Variants in ZNF395 observed in about 807,000 individuals in gnomAD.
The protein encoded by ZNF395 is zinc finger protein 395, also known as HD gene regulatory region-binding protein 2.
ZNF395 carries 20 observed loss-of-function variants against 57.7 expected under a neutral mutation model. The ratio of observed to expected loss-of-function variants is 0.35; its 90% CI spans 0.24 to 0.50. The LOEUF is 0.50. Among genes scored for constraint, ZNF395 ranks in the 20% least tolerant of loss-of-function variants. The pLI is 0.97. For synonymous variants in ZNF395, 295 were observed against 275.9 expected, an observed-to-expected ratio of 1.07 and a Z score of -0.69; for missense variants, 606 against 671.2, an observed-to-expected ratio of 0.90 and a Z score of 1.07.
rs1360646226 is a variant in ZNF395 at position 28,348,152 on chromosome 8, T to G, written c.*567A>C. 6.6e-6 allele frequency: 1 copy of G among 151,852 alleles called. No individual in the cohort carries two copies. Among genetic ancestry groups the G allele is most frequent in the Admixed American group, 6.6e-5 (1 of 15,240 alleles). 9.4% of individuals were successfully genotyped at this position (151,852 alleles called of 1,614,324 possible). Reference sequence around the variant, plus strand: ...AGAAAGGGATTTCCTTTGACTTCCATGCAGGATGCTCAGACAGGGAACAGG... The same window carrying G: ...AGAAAGGGATTTCCTTTGACTTCCAGGCAGGATGCTCAGACAGGGAACAGG... On this transcript the variant is annotated 3_prime_UTR_variant, in exon 10 of 10. Transcript: ENST00000344423.
At position 28,352,783 on chromosome 8, in the gene ZNF395, A is replaced by C; in HGVS notation, c.820-110T>G. On this transcript the variant is annotated intron_variant, in intron 5 of 9. Coordinates refer to ENST00000344423, the MANE Select transcript of ZNF395 (RefSeq NM_018660.3). This position sits in a 1 kb window ranked among gnomAD's most constrained non-coding sequence, Gnocchi z 4.0. Reference sequence around the variant, plus strand: ...TGCTGTCCCCGGCCTGACCCAACAAAAACCTCCAGGAAAGGGGTTCTCTGG... The same window carrying C: ...TGCTGTCCCCGGCCTGACCCAACAACAACCTCCAGGAAAGGGGTTCTCTGG... 1.1e-6 allele frequency: 1 copy of C among 882,874 alleles called. No individual in the cohort carries two copies. The allele number at this position is 882,874 out of a possible 1,614,324, so 54.7% of individuals were successfully genotyped here. A position where few individuals can be genotyped will look rare whatever the true frequency, so the allele number is the denominator to read the frequency against.
chr8:28,349,105 G>A lies in ZNF395; in HGVS notation c.1430+20C>T. 2 of 1,560,024 alleles carry A rather than the reference G, an allele frequency of 1.3e-6. No individual in the cohort carries two copies. Among genetic ancestry groups the A allele is most frequent in the Non-Finnish European group, 1.7e-6 (2 of 1,153,354 alleles). On this transcript the variant is annotated intron_variant, in intron 9 of 9. Transcript: ENST00000344423. ...AGGGCACAGAAACCAGAAGGCAGGG[G>A]ACGACAGCGGACATCTCACCTGGCA... is the stretch of plus-strand genomic sequence containing the variant.
intron 7 of ZNF395, among the ~76,000 whole-genome samples, chr8:28,351,192 C>T (rs143689151): frequency 2.0e-5 from 3 of 152,206 alleles, no homozygotes; most frequent in South Asian, 4.1e-4. Context: ...CCCAACTACA[C>T]GACTCCATCC....
chr8:28,378,161 A>G lies in ZNF395; in HGVS notation c.-59+8232T>C, dbSNP rs867725583. On this transcript the variant is annotated intron_variant, in intron 1 of 9. Transcript: ENST00000344423. The stretch of plus-strand genomic sequence containing the variant: ...CCTTCTTGCTTTTCCTAAGGACCAA[A>G]TTTAATTTTCAGCAGCCCTGGGTTC... 9.9e-5 allele frequency among the ~76,000 whole-genome samples: 15 copies of G among 152,140 alleles called. No individual in the cohort carries two copies. The South Asian group carries it at 2.9e-3, about 29-fold the overall frequency.
chr8:28,383,205 C>T (rs139897320), intron 1 of ZNF395, among the ~76,000 whole-genome samples: 4 of 152,354 alleles, frequency 2.6e-5, no homozygotes, highest in Admixed American at 6.5e-5. Flanking sequence ...ACATTCTCAG[C>T]TCATTCCACA....
intron 7 of ZNF395, 121 bp from the exon 8 acceptor site, chr8:28,350,277 G>T: frequency 1.2e-6 from 1 of 810,376 alleles, no homozygotes; most frequent in Non-Finnish European, 2.0e-6. Context: ...GCAATGACCA[G>T]AAAGAGCTGG....
At chr8:28,375,589 A>G (rs139926816) in intron 1 of ZNF395, among the ~76,000 whole-genome samples, 46 of 152,244 alleles carry the variant, frequency 3.0e-4, no homozygotes, top group African/African-American at 1.1e-3. Flanking sequence ...TAAACAGCAC[A>G]CTTAAGATCT....
chr8:28,360,889 T>C lies in ZNF395; in HGVS notation c.236A>G (p.Gln79Arg). ...TCCATGTTGGGATCAACCTACCTTC[T>C]GCCCAGGCTGAAAGGCCACCTGCTG... ...GLQQVAFQPG[Q>R]KVYVWYGGQE... is the part of the protein sequence containing the mutation. The change falls in exon 2 of 10, where the codon CAG becomes CGG. Residue 79 changes from glutamine to arginine, a missense_variant. Gln to Arg is a conservative substitution (Grantham distance 43, BLOSUM62 1). Around this residue, in one of 3 missense-constraint regions of ZNF395, gnomAD observed 309 missense variants for 374.7 expected, o/e 0.82. Transcript: ENST00000344423. The C allele has an allele frequency of 6.2e-7, 1 of 1,613,742 alleles. No individual in the cohort carries two copies. The highest frequency in any genetic ancestry group is 8.5e-7 in the Non-Finnish European group (1 of 1,179,950).
chr8:28,369,055 C>T (rs1359656036), intron 1 of ZNF395, among the ~76,000 whole-genome samples: 1 of 151,840 alleles, frequency 6.6e-6, no homozygotes, highest in Admixed American at 6.6e-5. Flanking sequence ...AGGCTGGTCT[C>T]GAACTCCTGG....
chr8:28,353,157 C>T lies in ZNF395; in HGVS notation c.819+16G>A, dbSNP rs1014947714. ...CCGCTCCAGCCTGGGCTCCCACTCACACCACAATCACGTACCTTTCTTTTT... is the reference window on the plus strand; with the variant it reads ...CCGCTCCAGCCTGGGCTCCCACTCATACCACAATCACGTACCTTTCTTTTT... On this transcript the variant is annotated intron_variant, in intron 5 of 9. Transcript: ENST00000344423. 1 of 1,613,008 alleles carries T rather than the reference C, an allele frequency of 6.2e-7. No individual in the cohort carries two copies. Among genetic ancestry groups the T allele is most frequent in the Non-Finnish European group, 8.5e-7 (1 of 1,179,578 alleles).
chr8:28,366,853 T>C (rs1036724651), intron 1 of ZNF395, among the ~76,000 whole-genome samples: 2 of 148,384 alleles, frequency 1.3e-5, no homozygotes, highest in African/African-American at 4.9e-5. Flanking sequence ...TAAGCATACA[T>C]GGACCTTTTC....
intron 1 of ZNF395, among the ~76,000 whole-genome samples, chr8:28,363,642 C>T (rs1801876660): frequency 6.6e-6 from 1 of 152,006 alleles, no homozygotes; most frequent in Non-Finnish European, 1.5e-5. Context: ...CAAAACAAAA[C>T]AAAACAAAAC....
rs755156851 is a variant in ZNF395, at chr8:28,348,771, T to C, written c.1490A>G (p.Gln497Arg). 21 of 1,614,128 alleles carry C rather than the reference T, an allele frequency of 1.3e-5. 1 individual carries two copies. In the South Asian group the frequency reaches 2.3e-4, roughly 18 times the overall value. The change falls in exon 10 of 10, where the codon CAG (glutamine) becomes CGG (arginine). Residue 497 changes from glutamine to arginine, a missense_variant. By Grantham distance (43) the Gln-to-Arg change is conservative. Coordinates refer to ENST00000344423, the MANE Select transcript of ZNF395 (RefSeq NM_018660.3). Reference protein sequence around the residue: ...RKVYGIEHRDQWCTACRWKKA... With the variant: ...RKVYGIEHRDRWCTACRWKKA... Reference sequence around the variant, plus strand: ...CTTCCACCGGCAGGCCGTGCACCACTGGTCCCGGTGCTCGATGCCATACAC... The same window carrying C: ...CTTCCACCGGCAGGCCGTGCACCACCGGTCCCGGTGCTCGATGCCATACAC...
chr8:28,353,203 C>T lies in ZNF395; in HGVS notation c.789G>A (p.Leu263=), dbSNP rs563932326. 2 of 1,612,834 alleles carry T rather than the reference C, an allele frequency of 1.2e-6. No individual in the cohort carries two copies. Among genetic ancestry groups the T allele is most frequent in the Admixed American group, 1.7e-5 (1 of 59,786 alleles). The change falls in exon 5 of 10, where the codon CTG becomes CTA. Residue 263 remains leucine (L), a synonymous_variant. Transcript: ENST00000344423. The stretch of plus-strand genomic sequence containing the variant: ...TTTTTCGTGGAGCTGGTTCGTCCAG[C>T]AGGAAAGGGTCAGGATCGGTCTCAA... The part of the protein sequence containing the change: ...HGFETDPDPF[L]LDEPAPRKRK...
chr8:28,360,992 G>T lies in ZNF395; in HGVS notation c.133C>A (p.Pro45Thr). The T allele has an allele frequency of 1.2e-6, 2 of 1,612,102 alleles. No individual in the cohort carries two copies. The highest frequency in any genetic ancestry group is 1.1e-5 in the South Asian group (1 of 90,922). ...GGGGTGTCATCAGAGGTGGTGAAAG[G>T]CTGGGGAGCGGCCCCTTCTAGCAGT... Reference protein sequence around the residue: ...EPLLEGAAPQPFTTSDDTPCQ... With the variant: ...EPLLEGAAPQTFTTSDDTPCQ... The change falls in exon 2 of 10, where the codon CCT becomes ACT. Residue 45 changes from proline (P) to threonine (T), a missense_variant. Pro to Thr is a conservative substitution (Grantham distance 38, BLOSUM62 -1). Coordinates refer to ENST00000344423, the MANE Select transcript of ZNF395 (RefSeq NM_018660.3).
rs1276964926 is a variant in ZNF395, at chr8:28,351,640, G to C, written c.1088C>G (p.Pro363Arg). 1 of 1,613,330 alleles carries C rather than the reference G, an allele frequency of 6.2e-7. No individual in the cohort carries two copies. Among genetic ancestry groups the C allele is most frequent in the South Asian group, 1.1e-5 (1 of 91,090 alleles). Residue 363 changes from proline to arginine, a missense_variant, in exon 7 of 10, where the codon CCT becomes CGT. Transcript: ENST00000344423. ...CAGAGGTGGTGGAAGAGCAGACAGA[G>C]GCAGGCCAGTCATGCTGGGGGTGGG... ...PAPTPSMTGL[P>R]LSALPPPLHK...
In ZNF395 at chr8:28,367,560, C is replaced by T. The variant is rs1407927179; in HGVS notation, c.-58-6378G>A. On this transcript the variant is annotated intron_variant, in intron 1 of 9. Transcript: ENST00000344423. The stretch of plus-strand genomic sequence containing the variant: ...TCTGTTTGCGCTGCTGGCAGGAAAG[C>T]GTTTCCACAGCTCTACCCAGGAAAA... Among the ~76,000 whole-genome samples the T allele has an allele frequency of 4.6e-5, 7 of 152,322 alleles. No individual in the cohort carries two copies. The South Asian group carries it at 1.0e-3, about 23-fold the overall frequency.
At chr8:28,372,024 CAG>C (rs1181081497) in intron 1 of ZNF395, among the ~76,000 whole-genome samples, 1 of 151,624 alleles carries the variant, frequency 6.6e-6, no homozygotes, top group Non-Finnish European at 1.5e-5. Context: ...GCCTGGGTGA[CAG>C]AGTGAGACCC....
Position 28,382,286 on chromosome 8 carries a change from A to T in ZNF395, c.-59+4107T>A, listed in dbSNP as rs1585867506. 2.0e-5 allele frequency among the ~76,000 whole-genome samples: 3 copies of T among 152,062 alleles called. No homozygotes were observed. The East Asian group carries it at 5.8e-4, about 29-fold the overall frequency. Reference sequence around the variant, plus strand: ...GTATTTTTTCCCCCAATTTTTAAACACCTTTATGTAGTCCAAACTAGAACA... The same window carrying T: ...GTATTTTTTCCCCCAATTTTTAAACTCCTTTATGTAGTCCAAACTAGAACA... On this transcript the variant is annotated intron_variant, in intron 1 of 9. Coordinates refer to ENST00000344423, the MANE Select transcript of ZNF395 (RefSeq NM_018660.3).
Sources: allele counts gnomAD v4.1 joint callset (sites outside exome capture counted in the v4.1 genomes callset), GRCh38; gene constraint gnomAD v4.1.1; regional missense constraint gnomAD v4.1.1; non-coding constraint Gnocchi (gnomAD v3.1); transcripts MANE v1.5; gene names NCBI Gene and HGNC (gene_info 2026-07-23, HGNC 2026-07-21).